Variants in RFX2 observed in about 807,000 individuals in gnomAD.
RFX2 encodes regulatory factor X2.
In RFX2, 20 loss-of-function variants were observed where a neutral mutation model predicts 87.8. The observed-to-expected ratio is 0.23, with a 90% CI of 0.16 to 0.33. RFX2 has a LOEUF of 0.33. Ranked by LOEUF, RFX2 falls within the 10% of genes least tolerant of loss-of-function variation. The probability of loss-of-function intolerance (pLI) is 1.00; values close to 1 mark genes in which losing one functional copy is unlikely to be tolerated. For missense variants in RFX2, 767 were observed against 1,012.3 expected (o/e 0.76, Z 3.29); for synonymous variants, 397 against 431.3 (o/e 0.92, Z 0.98).
rs540880823 is a variant in RFX2 at position 6,045,523 on chromosome 19, C to T, written c.91-1241G>A. On this transcript the variant is annotated intron_variant, in intron 2 of 17. Transcript: ENST00000303657. The surrounding 1 kb of genome is among the most constrained non-coding windows in gnomAD (Gnocchi z 5.2). Reference sequence around the variant, plus strand: ...GCTGGCAGGGCGACGGCGTCTGATCCTCACCTCAGATGGGCTTCCAAGACG... The same window carrying T: ...GCTGGCAGGGCGACGGCGTCTGATCTTCACCTCAGATGGGCTTCCAAGACG... Among the ~76,000 whole-genome samples the T allele has an allele frequency of 6.4e-4, 97 of 152,188 alleles. No homozygotes were observed. Among genetic ancestry groups the T allele is most frequent in the Non-Finnish European group, 1.2e-3 (79 of 68,038 alleles).
rs552621465 is a variant in RFX2, at chr19:6,017,801, G to A, written c.598-1530C>T. Among the ~76,000 whole-genome samples, 18 of 151,832 alleles carry A rather than the reference G, an allele frequency of 1.2e-4. No homozygotes were observed. The highest frequency in any genetic ancestry group is 4.3e-4 in the African/African-American group (18 of 41,414). On this transcript the variant is annotated intron_variant, in intron 6 of 17. Coordinates refer to ENST00000303657, the MANE Select transcript of RFX2 (RefSeq NM_000635.4). This position sits in a 1 kb window ranked among gnomAD's most constrained non-coding sequence, Gnocchi z 4.1. ...TGGGAAGCCCTTGTCCCTGTGCCCC[G>A]CACACCCCACAAGACACAAAGTAGG...
At chr19:6,079,067 C>T (rs897532893) in intron 1 of RFX2, among the ~76,000 whole-genome samples, 2 of 152,230 alleles carry the variant, frequency 1.3e-5, no homozygotes, top group African/African-American at 2.4e-5. Flanking sequence ...TGAGCCACGG[C>T]GCCCGGCCAT....
chr19:6,008,240 G>A lies in RFX2; in HGVS notation c.1016-16C>T, dbSNP rs776142215. 10 of 1,505,104 alleles carry A rather than the reference G, an allele frequency of 6.6e-6. No homozygotes were observed. Among genetic ancestry groups the A allele is most frequent in the South Asian group, 5.0e-5 (4 of 80,510 alleles). The allele number at this position is 1,505,104 out of a possible 1,614,324, so 93.2% of individuals were successfully genotyped here. ...TGGGAGACATCTGGGGGAGGAACACGGGAACATCAGAAATGGCGAGGCTCT... is the reference window on the plus strand; with the variant it reads ...TGGGAGACATCTGGGGGAGGAACACAGGAACATCAGAAATGGCGAGGCTCT... On this transcript the variant is annotated splice_polypyrimidine_tract_variant and intron_variant, in intron 9 of 17. Coordinates refer to ENST00000303657, the MANE Select transcript of RFX2 (RefSeq NM_000635.4).
rs927816956 is a variant in RFX2, at chr19:6,045,326, A to T, written c.91-1044T>A. Among the ~76,000 whole-genome samples, 1 of 152,200 alleles carries T rather than the reference A, an allele frequency of 6.6e-6. No individual in the cohort carries two copies. The highest frequency in any genetic ancestry group is 2.4e-5 in the African/African-American group (1 of 41,450). On this transcript the variant is annotated intron_variant, in intron 2 of 17. Coordinates refer to ENST00000303657, the MANE Select transcript of RFX2 (RefSeq NM_000635.4). The surrounding 1 kb of genome is among the most constrained non-coding windows in gnomAD (Gnocchi z 5.2). ...CACAGTGATGAAACCTGGGACACAC[A>T]TGGTGGCCGTGAGTGGCACTGAGAC... is the stretch of plus-strand genomic sequence containing the variant.
At chr19:6,094,229 C>G (rs1259922544) in intron 1 of RFX2, among the ~76,000 whole-genome samples, 1 of 151,624 alleles carries the variant, frequency 6.6e-6, no homozygotes, top group Non-Finnish European at 1.5e-5. Context: ...GCCAGAGGCT[C>G]TTTTTTTCTT....
At position 6,024,910 on chromosome 19, in the gene RFX2, C is replaced by T. The variant is rs1325626262; in HGVS notation, c.597+1253G>A. 2.9e-5 allele frequency among the ~76,000 whole-genome samples: 4 copies of T among 140,074 alleles called. No homozygotes were observed. Among genetic ancestry groups the T allele is most frequent in the Non-Finnish European group, 1.5e-5 (1 of 64,554 alleles). The allele number at this position is 140,074 out of a possible 152,430, so 91.9% of individuals were successfully genotyped here. A position where few individuals can be genotyped will look rare whatever the true frequency, so the allele number is the denominator to read the frequency against. The stretch of plus-strand genomic sequence containing the variant: ...ATCACGGTGAGGACGGGAGTCAGGA[C>T]GGGATCACGGTGAGGACGGGAGTCA... On this transcript the variant is annotated intron_variant, in intron 6 of 17. Transcript: ENST00000303657. This position sits in a 1 kb window ranked among gnomAD's most constrained non-coding sequence, Gnocchi z 5.0.
chr19:6,057,964 G>C (rs1385896962), intron 1 of RFX2, among the ~76,000 whole-genome samples: 4 of 152,174 alleles, frequency 2.6e-5, no homozygotes, highest in African/African-American at 7.2e-5. Flanking sequence ...CCCACGCACA[G>C]GGAGGACACC....
chr19:6,035,853 GTGT>G (rs1358502325), intron 5 of RFX2, among the ~76,000 whole-genome samples: 3 of 111,156 alleles, frequency 2.7e-5, no homozygotes, highest in African/African-American at 1.1e-4. Flanking sequence ...GGTGGGGGGT[GTGT>G]GTGTGTGTGT....
intron 1 of RFX2, among the ~76,000 whole-genome samples, chr19:6,107,340 G>C (rs2088232906): frequency 6.6e-6 from 1 of 151,012 alleles, no homozygotes; most frequent in Non-Finnish European, 1.5e-5. Flanking sequence ...GCAGGGGCCG[G>C]GTTTGGTGGC....
Position 6,012,500 on chromosome 19 carries a change from G to A in RFX2, c.899+486C>T, listed in dbSNP as rs117052370. On this transcript the variant is annotated intron_variant, in intron 8 of 17. Transcript: ENST00000303657. This position sits in a 1 kb window ranked among gnomAD's most constrained non-coding sequence, Gnocchi z 4.6. ...CGTGACACTGTGATGGGGGACACAT[G>A]TCATTATAGGTTTGTCCAAACTGTC... is the stretch of plus-strand genomic sequence containing the variant. 8.7e-3 allele frequency among the ~76,000 whole-genome samples: 1,324 copies of A among 152,220 alleles called. 7 individuals are homozygous for A. The highest frequency in any genetic ancestry group is 0.013 in the Non-Finnish European group (897 of 68,006).
chr19:6,076,555 C>T (rs1050798459), intron 1 of RFX2, among the ~76,000 whole-genome samples: 48 of 152,100 alleles, frequency 3.2e-4, no homozygotes, highest in African/African-American at 1.0e-3. Context: ...TGTCCATAAA[C>T]GGAGAAAATA....
rs2086825658 is a variant in RFX2 at position 6,022,329 on chromosome 19, C to G, written c.597+3834G>C. Among the ~76,000 whole-genome samples, 2 of 152,236 alleles carry G rather than the reference C, an allele frequency of 1.3e-5. No homozygotes were observed. The highest frequency in any genetic ancestry group is 4.8e-5 in the African/African-American group (2 of 41,460). On this transcript the variant is annotated intron_variant, in intron 6 of 17. Coordinates refer to ENST00000303657, the MANE Select transcript of RFX2 (RefSeq NM_000635.4). The surrounding 1 kb of genome is among the most constrained non-coding windows in gnomAD (Gnocchi z 6.2). Reference sequence around the variant, plus strand: ...CGTGCCAGGCTACACAGGTCACCAGCTGAAGGCTAAATGACCTTTGACAAT... The same window carrying G: ...CGTGCCAGGCTACACAGGTCACCAGGTGAAGGCTAAATGACCTTTGACAAT...
At chr19:6,019,144 G>A (rs1325488109) in intron 6 of RFX2, among the ~76,000 whole-genome samples, 1 of 151,938 alleles carries the variant, frequency 6.6e-6, no homozygotes, top group Non-Finnish European at 1.5e-5. Context: ...GGTGCCATGT[G>A]CTTGGCTGTG....
rs776617781 is a variant in RFX2 at position 6,007,179 on chromosome 19, G to C, written c.1248-13C>G. 12 of 1,611,652 alleles carry C rather than the reference G, an allele frequency of 7.4e-6. No homozygotes were observed. Among genetic ancestry groups the C allele is most frequent in the African/African-American group, 4.0e-5 (3 of 74,874 alleles). On this transcript the variant is annotated splice_polypyrimidine_tract_variant and intron_variant, in intron 11 of 17. Coordinates refer to ENST00000303657, the MANE Select transcript of RFX2 (RefSeq NM_000635.4). This position sits in a 1 kb window ranked among gnomAD's most constrained non-coding sequence, Gnocchi z 8.2. ...GGGGTCTTCGTCACTGTGGAGGGAG[G>C]GGGGACAGGTGAGCTGTGGCCTGGC...
chr19:6,077,309 G>C (rs2087706206), intron 1 of RFX2, among the ~76,000 whole-genome samples: 1 of 152,182 alleles, frequency 6.6e-6, no homozygotes, highest in Non-Finnish European at 1.5e-5. Flanking sequence ...CTGGGTCAAA[G>C]ACAGGCAAGG....
intron 9 of RFX2, among the ~76,000 whole-genome samples, chr19:6,009,419 G>T (rs1189738721): frequency 6.6e-6 from 1 of 152,120 alleles, no homozygotes; most frequent in Non-Finnish European, 1.5e-5. Flanking sequence ...GCCAGCTGGG[G>T]AAGAACGCTG....
chr19:6,037,246 T>C (rs1599872628), intron 5 of RFX2, among the ~76,000 whole-genome samples: 1 of 147,866 alleles, frequency 6.8e-6, no homozygotes, highest in East Asian at 2.0e-4. Flanking sequence ...ATTGCGCCAC[T>C]GCACTCCAGC....
rs979298399 is a variant in RFX2, at chr19:6,050,608, A to G, written c.-8-3104T>C. 3.9e-5 allele frequency among the ~76,000 whole-genome samples: 6 copies of G among 152,216 alleles called. No individual in the cohort carries two copies. The highest frequency in any genetic ancestry group is 1.4e-4 in the African/African-American group (6 of 41,470). Reference sequence around the variant, plus strand: ...CAACAGCTGGTTAAAGATAATGGAAAGAGTTAGTGAACTTAACAATAGATA... The same window carrying G: ...CAACAGCTGGTTAAAGATAATGGAAGGAGTTAGTGAACTTAACAATAGATA... On this transcript the variant is annotated intron_variant, in intron 1 of 17. Transcript: ENST00000303657. The surrounding 1 kb of genome is among the most constrained non-coding windows in gnomAD (Gnocchi z 4.6).
chr19:6,041,854 T>G (rs2087112335), intron 4 of RFX2, among the ~76,000 whole-genome samples, 190 bp downstream of exon 4: 1 of 152,154 alleles, frequency 6.6e-6, no homozygotes, highest in South Asian at 2.1e-4. Flanking sequence ...TAGGCACTTG[T>G]CACCATGTCT....
Sources: allele counts gnomAD v4.1 joint callset (sites outside exome capture counted in the v4.1 genomes callset), GRCh38; gene constraint gnomAD v4.1.1; non-coding constraint Gnocchi (gnomAD v3.1); transcripts MANE v1.5; gene names NCBI Gene and HGNC (gene_info 2026-07-23, HGNC 2026-07-21).